The following GET1 variants were observed in gnomAD, a reference collection of about 807,000 sequenced individuals.
GET1 encodes guided entry of tail-anchored proteins factor 1.
Under a neutral mutation model 22.6 loss-of-function variants are expected in GET1, and 20 were observed. The observed-to-expected ratio is 0.89, with a 90% CI of 0.62 to 1.29. The LOEUF is 1.29. Among genes scored for constraint, GET1 ranks in the 50% most tolerant of loss-of-function variants. GET1 has a pLI of 0.00. For missense variants in GET1, 209 were observed against 219.9 expected (o/e 0.95, Z 0.31); for synonymous variants, 92 against 83.8 (o/e 1.10, Z -0.53).
intron 3 of GET1, among the ~76,000 whole-genome samples, chr21:39,392,434 A>C (rs2038364371): frequency 6.6e-6 from 1 of 152,192 alleles, no homozygotes; most frequent in Admixed American, 6.5e-5. Context: ...CAAAGGATTC[A>C]AGCCCACCCC....
rs192946153 is a variant in GET1 at position 39,414,922 on chromosome 21, A to G, written c.*23+3985A>G. On this transcript the variant is annotated intron_variant, in intron 1 of 1. Transcript: ENST00000478273. ...TCTGGTATTCTGGATTATTTTATTT[A>G]TTTTTAGAGACAAGAGTCTCTCTCT... Among the ~76,000 whole-genome samples the G allele has an allele frequency of 5.3e-5, 8 of 152,074 alleles. No individual in the cohort carries two copies. In the East Asian group the frequency reaches 1.5e-3, roughly 29 times the overall value.
At chr21:39,425,244 G>A (rs1280866666) in intron 1 of GET1, among the ~76,000 whole-genome samples, 1 of 152,172 alleles carries the variant, frequency 6.6e-6, no homozygotes, top group Non-Finnish European at 1.5e-5. Flanking sequence ...GTCCAAGTGT[G>A]GACACATCTG....
downstream of GET1, among the ~76,000 whole-genome samples, chr21:39,402,412 C>A (rs1033042217): frequency 2.0e-5 from 3 of 152,098 alleles, no homozygotes; most frequent in African/African-American, 4.8e-5. Flanking sequence ...AGTCTGAGTT[C>A]TTTACTTACA....
intron 1 of GET1, among the ~76,000 whole-genome samples, chr21:39,414,587 A>T (rs760797397): frequency 6.6e-6 from 1 of 152,120 alleles, no homozygotes; most frequent in East Asian, 1.9e-4. Context: ...ACTCGCTACC[A>T]AAAGGTGGAG....
At chr21:39,405,048 G>T (rs545781251) in intron 4 of GET1, among the ~76,000 whole-genome samples, 1 of 152,004 alleles carries the variant, frequency 6.6e-6, no homozygotes, top group African/African-American at 2.4e-5. Context: ...GGCCAGGCTG[G>T]TCTCAAACTC....
chr21:39,420,693 T>G, intron 1 of GET1: 1 of 1,603,642 alleles, frequency 6.2e-7, no homozygotes. Context: ...ACATTTTGTT[T>G]TAAAAGAAAT....
At chr21:39,423,614 G>A in intron 1 of GET1, 1 of 775,624 alleles carries the variant, frequency 1.3e-6, no homozygotes. Context: ...ACAAGCGTAA[G>A]TGTAACTAGA....
chr21:39,406,354 G>A lies in GET1; in HGVS notation c.*370G>A, dbSNP rs147712761. On this transcript the variant is annotated 3_prime_UTR_variant, in exon 5 of 5. Coordinates refer to the GET1 transcript ENST00000415847. ...TCTTCTTTGTCTGAGGGGGCCTTTC[G>A]TGTAGGGAGCAGTGCCTTTGCCAAG... 9.5e-5 allele frequency: 154 copies of A among 1,614,024 alleles called. No homozygotes were observed. Among genetic ancestry groups the A allele is most frequent in the Non-Finnish European group, 1.2e-4 (141 of 1,180,024 alleles).
chr21:39,381,552 A>G (rs2037555367), intron 1 of GET1, among the ~76,000 whole-genome samples: 1 of 152,160 alleles, frequency 6.6e-6, no homozygotes, highest in South Asian at 2.1e-4. Flanking sequence ...CTCCTTCAGA[A>G]TCTTTCCTGA....
chr21:39,383,783 C>T (rs1394545657), intron 1 of GET1, among the ~76,000 whole-genome samples: 3 of 151,582 alleles, frequency 2.0e-5, no homozygotes, highest in Non-Finnish European at 4.4e-5. Flanking sequence ...CTCTGTCACC[C>T]AGGCTGGAGT....
intron 1 of GET1, among the ~76,000 whole-genome samples, chr21:39,382,196 C>T (rs997182571): frequency 1.3e-5 from 2 of 151,766 alleles, no homozygotes; most frequent in Admixed American, 1.3e-4. Context: ...CTGTGATTAC[C>T]AGTACCTGCC....
At chr21:39,396,634 C>T (rs1032488087) in intron 4 of GET1, among the ~76,000 whole-genome samples, 7 of 148,316 alleles carry the variant, frequency 4.7e-5, no homozygotes, top group East Asian at 2.0e-4. Flanking sequence ...TGCAGTGAGC[C>T]GAGATCGCAC....
chr21:39,411,713 C>T, intron 1 of GET1: 1 of 1,390,018 alleles, frequency 7.2e-7, no homozygotes, highest in South Asian at 1.4e-5. Flanking sequence ...GTAATTAAAA[C>T]ATACCTTTTG....
At chr21:39,391,126 A>G (rs1385665260) in intron 2 of GET1, 3 of 278,204 alleles carry the variant, frequency 1.1e-5, no homozygotes, top group East Asian at 1.4e-4. Flanking sequence ...CTAACTCTTA[A>G]AAATTGTAGG....
exon 5 of GET1, chr21:39,406,191 C>T: frequency 1.2e-6 from 2 of 1,614,234 alleles, no homozygotes; most frequent in Non-Finnish European, 8.5e-7. Context: ...TGTCAGAATG[C>T]TCTAGCTCCA....
intron 4 of GET1, among the ~76,000 whole-genome samples, chr21:39,404,017 G>A (rs921564694): frequency 6.6e-6 from 1 of 152,188 alleles, no homozygotes; most frequent in Admixed American, 6.5e-5. Flanking sequence ...CCTCCTCCCA[G>A]GTTCAAGCGA....
intron 1 of GET1, among the ~76,000 whole-genome samples, chr21:39,426,616 C>A (rs1345387127): frequency 6.6e-6 from 1 of 152,192 alleles, no homozygotes; most frequent in Non-Finnish European, 1.5e-5. Flanking sequence ...ACTATTCACA[C>A]TAAGTGAAAT....
At chr21:39,398,735 T>A (rs1053338153), downstream of GET1, among the ~76,000 whole-genome samples, 8 of 150,780 alleles carry the variant, frequency 5.3e-5, no homozygotes, top group East Asian at 1.6e-3. Context: ...TACCTCAGCC[T>A]CCCAAGTAGC....
At chr21:39,405,808 C>T in intron 4 of GET1, 3 of 1,163,090 alleles carry the variant, frequency 2.6e-6, no homozygotes, top group South Asian at 1.7e-5. Context: ...CTCTCTCACA[C>T]ATTTCAAAAA....
Sources: allele counts gnomAD v4.1 joint callset (sites outside exome capture counted in the v4.1 genomes callset), GRCh38; gene constraint gnomAD v4.1.1; transcripts MANE v1.5; gene names NCBI Gene and HGNC (gene_info 2026-07-23, HGNC 2026-07-21).